Variants in PTPRR observed in about 807,000 individuals in gnomAD.
The protein encoded by PTPRR is receptor-type tyrosine-protein phosphatase R.
In PTPRR, 38 loss-of-function variants were observed where a neutral mutation model predicts 77.2. That is an observed-to-expected ratio of 0.49 (90% confidence interval 0.38 to 0.65). The LOEUF is 0.65. PTPRR is among the 30% of genes least tolerant of loss of function. PTPRR has a pLI of 0.00. For missense variants in PTPRR, 744 were observed against 799.2 expected (o/e 0.93, Z 0.83); for synonymous variants, 299 against 283.1 (o/e 1.06, Z -0.57).
intron 13 of PTPRR, among the ~76,000 whole-genome samples, chr12:70,641,368 T>A (rs1199804598): frequency 6.6e-6 from 1 of 151,920 alleles, no homozygotes; most frequent in African/African-American, 2.4e-5. Context: ...TTCTTGTATG[T>A]TCTGGTCAGC....
chr12:70,754,436 G>A (rs1364372959), intron 4 of PTPRR, 135 bp from the exon 5 acceptor site: 3 of 1,565,594 alleles, frequency 1.9e-6, no homozygotes, highest in Non-Finnish European at 2.6e-6. Flanking sequence ...CGCTGCCAGA[G>A]CTGCTTCTCA....
intron 13 of PTPRR, among the ~76,000 whole-genome samples, chr12:70,650,898 C>A (rs1351963071): frequency 6.6e-6 from 1 of 152,172 alleles, no homozygotes; most frequent in Non-Finnish European, 1.5e-5. Context: ...GGATCGTGAC[C>A]AGTGCAGTCA....
At chr12:70,783,789 G>T (rs939610047) in intron 2 of PTPRR, among the ~76,000 whole-genome samples, 1 of 148,164 alleles carries the variant, frequency 6.7e-6, no homozygotes, top group African/African-American at 2.5e-5. Context: ...GCACCCAGCT[G>T]CCCTTAGTCC....
intron 2 of PTPRR, among the ~76,000 whole-genome samples, chr12:70,847,848 C>T (rs1451145598): frequency 1.3e-5 from 2 of 152,022 alleles, no homozygotes; most frequent in African/African-American, 2.4e-5. Context: ...AGTATTTGTT[C>T]GACTTTTTGG....
intron 3 of PTPRR, among the ~76,000 whole-genome samples, chr12:70,763,293 C>A (rs1171507039): frequency 6.6e-6 from 1 of 151,842 alleles, no homozygotes; most frequent in Non-Finnish European, 1.5e-5. Context: ...CATGCCCGGC[C>A]AATTTTTTGT....
intron 4 of PTPRR, chr12:70,754,519 G>T: frequency 1.3e-6 from 2 of 1,581,126 alleles, no homozygotes; most frequent in Non-Finnish European, 1.7e-6. Context: ...GAGCAAGCGT[G>T]CCTGACATGG....
chr12:70,872,709 A>AAAAAAAAAAAC lies in PTPRR; in HGVS notation c.357+19969_357+19970insGTTTTTTTTTT, dbSNP rs1555181869. On this transcript the variant is annotated intron_variant, in intron 2 of 13. Transcript: ENST00000283228. Reference sequence around the variant, plus strand: ...GACTCTGTCTCAAAAAAAAAAAAAAAAAAAAAAAAAACAATCCACCAAGTC... The same window carrying AAAAAAAAAAAC: ...GACTCTGTCTCAAAAAAAAAAAAAAAAAAAAAAAAACAAAAAAAAAAACAATCCACCAAGTC... Among the ~76,000 whole-genome samples, 200 of 149,078 alleles carry AAAAAAAAAAAC rather than the reference A, an allele frequency of 1.3e-3. 5 individuals carry two copies. Among genetic ancestry groups the AAAAAAAAAAAC allele is most frequent in the Middle Eastern group, 7.0e-3 (2 of 284 alleles).
At chr12:70,802,537 T>C (rs1377158366) in intron 2 of PTPRR, among the ~76,000 whole-genome samples, 2 of 152,238 alleles carry the variant, frequency 1.3e-5, no homozygotes, top group African/African-American at 4.8e-5. Context: ...TTTGCAAACA[T>C]CTGTTAGATA....
chr12:70,731,035 GAGAGAGGAAGGAGAC>G (rs1297346041), intron 6 of PTPRR, among the ~76,000 whole-genome samples: 3 of 108,764 alleles, frequency 2.8e-5, no homozygotes, highest in East Asian at 2.8e-4. Flanking sequence ...AGAGGAAGGA[GAGAGAGGAAGGAGAC>G]AGAGAGGAAG....
intron 2 of PTPRR, among the ~76,000 whole-genome samples, chr12:70,874,950 C>T (rs1893025678): frequency 6.7e-6 from 1 of 150,326 alleles, no homozygotes; most frequent in South Asian, 2.1e-4. Flanking sequence ...AAATAGCAAC[C>T]TCACGTTTGG....
At chr12:70,789,646 C>CA (rs986142918) in intron 2 of PTPRR, among the ~76,000 whole-genome samples, 1 of 151,286 alleles carries the variant, frequency 6.6e-6, no homozygotes, top group Non-Finnish European at 1.5e-5. Context: ...TAGATGGCAA[C>CA]AAAAAAATTA....
chr12:70,681,046 A>G (rs962660250), intron 10 of PTPRR, among the ~76,000 whole-genome samples: 2 of 152,124 alleles, frequency 1.3e-5, no homozygotes, highest in African/African-American at 4.8e-5. Flanking sequence ...GGGGCACTGG[A>G]TCTAGGCTCT....
intron 2 of PTPRR, among the ~76,000 whole-genome samples, chr12:70,867,525 T>G (rs1399172899): frequency 2.6e-5 from 4 of 151,404 alleles, no homozygotes; most frequent in Non-Finnish European, 4.4e-5. Context: ...CACTGCTCAA[T>G]GAAATAAAAG....
intron 13 of PTPRR, among the ~76,000 whole-genome samples, chr12:70,643,753 AG>A (rs568761605): frequency 1.8e-4 from 27 of 151,268 alleles, no homozygotes; most frequent in African/African-American, 6.4e-4. Flanking sequence ...GTGAGAAACA[AG>A]GGTACTCTTT....
intron 8 of PTPRR, among the ~76,000 whole-genome samples, chr12:70,686,855 T>G (rs1887889129): frequency 6.6e-6 from 1 of 152,074 alleles, no homozygotes; most frequent in Admixed American, 6.6e-5. Flanking sequence ...ACTCCCCAAT[T>G]CCCGGCACAC....
intron 11 of PTPRR, 129 bp downstream of exon 11, chr12:70,662,366 G>A (rs1306071419): frequency 1.9e-6 from 1 of 533,416 alleles, no homozygotes; most frequent in Non-Finnish European, 3.2e-6. Context: ...AATGATTATA[G>A]TTTCTCTTTG....
intron 2 of PTPRR, among the ~76,000 whole-genome samples, chr12:70,855,883 G>A (rs1039478374): frequency 1.6e-4 from 25 of 152,152 alleles, no homozygotes; most frequent in Admixed American, 1.4e-3. Context: ...GGGAATTTGC[G>A]ATACAATTGA....
rs3923768 is a variant in PTPRR at position 70,890,246 on chromosome 12, G to C, written c.357+2433C>G. 1.4e-3 allele frequency among the ~76,000 whole-genome samples: 208 copies of C among 152,084 alleles called. 1 individual carries two copies. Among genetic ancestry groups the C allele is most frequent in the African/African-American group, 4.5e-3 (187 of 41,472 alleles). Reference sequence around the variant, plus strand: ...AATAACAGCTTCTTAATTGAGTTCCGGAACATAGTTAGCATTATTTGGGAT... The same window carrying C: ...AATAACAGCTTCTTAATTGAGTTCCCGAACATAGTTAGCATTATTTGGGAT... On this transcript the variant is annotated intron_variant, in intron 2 of 13. Transcript: ENST00000283228.
At chr12:70,764,900 A>G (rs1016870542) in intron 2 of PTPRR, 122 bp from the exon 3 acceptor site, 1 of 675,962 alleles carries the variant, frequency 1.5e-6, no homozygotes, top group Non-Finnish European at 2.6e-6. Flanking sequence ...GACTGACCAC[A>G]GTTTCTGTGA....
Sources: gnomAD v4.1 joint callset for allele counts (sites outside exome capture counted in the v4.1 genomes callset) on GRCh38, gnomAD v4.1.1 for gene constraint, MANE v1.5 for transcripts, NCBI Gene and HGNC (gene_info 2026-07-23, HGNC 2026-07-21) for gene names.